Variants in UBE2H observed in about 807,000 individuals in gnomAD.
The protein encoded by UBE2H is ubiquitin-conjugating enzyme E2 H.
UBE2H carries 3 observed loss-of-function variants against 29.0 expected under a neutral mutation model. That is an observed-to-expected ratio of 0.10 (90% confidence interval 0.05 to 0.27). UBE2H has a LOEUF of 0.27. UBE2H is among the 10% of genes least tolerant of loss of function. The pLI is 1.00. For missense variants in UBE2H, 68 were observed against 228.2 expected (o/e 0.30, Z 4.52); for synonymous variants, 69 against 82.9 (o/e 0.83, Z 0.91).
At chr7:129,951,828 C>T (rs1363811479) in intron 1 of UBE2H, among the ~76,000 whole-genome samples, 1 of 152,076 alleles carries the variant, frequency 6.6e-6, no homozygotes, top group East Asian at 1.9e-4. Flanking sequence ...CTGGAGGGCC[C>T]GGGGGTCTTC....
chr7:129,936,802 AG>A (rs202138255), intron 1 of UBE2H, among the ~76,000 whole-genome samples: 1 of 132,190 alleles, frequency 7.6e-6, no homozygotes, highest in African/African-American at 3.0e-5. Context: ...CGTCTCTACT[AG>A]GAAAAAAAAA....
intron 1 of UBE2H, among the ~76,000 whole-genome samples, chr7:129,935,246 T>C (rs910320893): frequency 1.3e-5 from 2 of 151,284 alleles, no homozygotes; most frequent in African/African-American, 4.9e-5. Context: ...AAACCCTGTA[T>C]CTACTAAAAA....
rs1233291960 is a variant in UBE2H, at chr7:129,833,449, GTCT to G, written c.*1485_*1487del. On this transcript the variant is annotated 3_prime_UTR_variant, in exon 7 of 7. Transcript: ENST00000355621. ...GGCAAAAAAAGAACACAGAGCTGCT[GTCT>G]AAAATTTCTCCAAACTCCCCTCCGA... The G allele has an allele frequency of 2.6e-5, 4 of 152,230 alleles. No individual in the cohort carries two copies. Among genetic ancestry groups the G allele is most frequent in the Non-Finnish European group, 5.9e-5 (4 of 68,040 alleles). The allele number at this position is 152,230 out of a possible 1,614,324, so 9.4% of individuals were successfully genotyped here.
intron 1 of UBE2H, among the ~76,000 whole-genome samples, chr7:129,941,190 T>C (rs1457254411): frequency 6.6e-6 from 1 of 151,204 alleles, no homozygotes; most frequent in South Asian, 2.1e-4. Flanking sequence ...AACTCCTGAG[T>C]TCAAGCAACG....
At chr7:129,948,601 G>T (rs1304215783) in intron 1 of UBE2H, among the ~76,000 whole-genome samples, 1 of 152,080 alleles carries the variant, frequency 6.6e-6, no homozygotes, top group Non-Finnish European at 1.5e-5. Flanking sequence ...AAGATTTGAG[G>T]CCAGGAGTTG....
chr7:129,872,428 GT>G (rs1399120212), intron 3 of UBE2H, among the ~76,000 whole-genome samples: 1 of 152,152 alleles, frequency 6.6e-6, no homozygotes, highest in Non-Finnish European at 1.5e-5. Context: ...TCCAAAAATA[GT>G]GTGAGGTCAT....
intron 3 of UBE2H, among the ~76,000 whole-genome samples, chr7:129,863,056 A>C (rs1805831419): frequency 2.0e-5 from 3 of 152,224 alleles, no homozygotes; most frequent in Admixed American, 2.0e-4. Context: ...GTAAGCTTTA[A>C]ATGTTTATCA....
At chr7:129,907,206 T>C (rs1806836034) in intron 1 of UBE2H, among the ~76,000 whole-genome samples, 1 of 152,080 alleles carries the variant, frequency 6.6e-6, no homozygotes, top group African/African-American at 2.4e-5. Context: ...TACAACTTTG[T>C]TGGGTAAGAT....
chr7:129,857,259 A>C, intron 5 of UBE2H: 1 of 506,880 alleles, frequency 2.0e-6, no homozygotes, highest in East Asian at 3.2e-5. Flanking sequence ...GCATGTACTC[A>C]TGTGTGTGCA....
At chr7:129,944,749 C>CGT (rs71527933) in intron 1 of UBE2H, among the ~76,000 whole-genome samples, 2 of 107,822 alleles carry the variant, frequency 1.9e-5, no homozygotes, top group African/African-American at 9.4e-5. Flanking sequence ...CACACACACA[C>CGT]ACGCACGCAC....
intron 1 of UBE2H, among the ~76,000 whole-genome samples, chr7:129,908,549 T>G (rs1806865221): frequency 6.6e-6 from 1 of 152,216 alleles, no homozygotes; most frequent in Non-Finnish European, 1.5e-5. Context: ...TAGATGCCTA[T>G]TTCACGTCTC....
At chr7:129,865,412 CTTTA>C (rs757622340) in intron 3 of UBE2H, among the ~76,000 whole-genome samples, 10 of 152,014 alleles carry the variant, frequency 6.6e-5, no homozygotes, top group Non-Finnish European at 1.5e-4. Context: ...TCTTTGTTCC[CTTTA>C]TTTGAGAGGA....
chr7:129,915,813 T>C (rs1183296266), intron 1 of UBE2H, among the ~76,000 whole-genome samples: 1 of 152,204 alleles, frequency 6.6e-6, no homozygotes, highest in Admixed American at 6.5e-5. Context: ...CAGCATGCAG[T>C]TGCTTTTGAG....
At chr7:129,880,312 G>C (rs1007424977) in intron 2 of UBE2H, among the ~76,000 whole-genome samples, 4 of 152,150 alleles carry the variant, frequency 2.6e-5, no homozygotes, top group African/African-American at 9.7e-5. Context: ...TGCGAGACCA[G>C]CCTGGCCAAC....
chr7:129,854,060 G>GGTTTTTTTTTTTTTTTTTATTTATT (rs1554430936), intron 5 of UBE2H, among the ~76,000 whole-genome samples: 2 of 100,312 alleles, frequency 2.0e-5, no homozygotes, highest in African/African-American at 4.0e-5. Context: ...TTTAGTGTTA[G>GGTTTTTTTTTTTTTTTTTATTTATT]TTTTTTTTTT....
chr7:129,883,691 A>G (rs1287565631), intron 1 of UBE2H, among the ~76,000 whole-genome samples: 1 of 152,106 alleles, frequency 6.6e-6, no homozygotes, highest in East Asian at 1.9e-4. Context: ...AAAACACAAA[A>G]ATTAGCTGGG....
intron 3 of UBE2H, among the ~76,000 whole-genome samples, chr7:129,866,910 T>C (rs1805915646): frequency 6.6e-6 from 1 of 152,344 alleles, no homozygotes; most frequent in Non-Finnish European, 1.5e-5. Flanking sequence ...TTAATATATG[T>C]AAAGCATTTG....
At chr7:129,855,466 G>A (rs77842041) in intron 5 of UBE2H, among the ~76,000 whole-genome samples, 170 of 152,268 alleles carry the variant, frequency 1.1e-3, no homozygotes, top group African/African-American at 3.7e-3. Context: ...AATCAAGCTC[G>A]GAGTGTATGT....
At chr7:129,951,423 G>T (rs970038890) in intron 1 of UBE2H, 108 of 150,932 alleles carry the variant, frequency 7.2e-4, no homozygotes, top group African/African-American at 2.5e-3. Context: ...GCCCCCACTT[G>T]CCCCCCTCCC....
Sources: allele counts gnomAD v4.1 joint callset (sites outside exome capture counted in the v4.1 genomes callset), GRCh38; gene constraint gnomAD v4.1.1; transcripts MANE v1.5; gene names NCBI Gene and HGNC (gene_info 2026-07-23, HGNC 2026-07-21).